TMEM216: variants seen among roughly 807,000 people sequenced by gnomAD.
TMEM216 encodes the protein cerebello-oculo-renal syndrome 2.
In TMEM216, 15 loss-of-function variants were observed where a neutral mutation model predicts 17.8. The ratio of observed to expected loss-of-function variants is 0.84; its 90% confidence interval spans 0.56 to 1.30. TMEM216 has a LOEUF of 1.30. Among genes scored for constraint, TMEM216 ranks in the 50% most tolerant of loss-of-function variants. TMEM216 has a pLI of 0.00. For synonymous variants in TMEM216, 58 were observed against 73.5 expected (o/e 0.79, Z 1.08); for missense variants, 160 against 175.7 (o/e 0.91, Z 0.51).
chr11:61,394,629 G>C (rs1173248237), intron 3 of TMEM216, among the ~76,000 whole-genome samples: 2 of 150,120 alleles, frequency 1.3e-5, no homozygotes, highest in Non-Finnish European at 3.0e-5. Context: ...GGCCTCCCAA[G>C]GTGGTGGGAT....
intron 1 of TMEM216, 79 bp downstream of exon 1, chr11:61,392,744 C>CT: frequency 6.5e-7 from 1 of 1,535,098 alleles, no homozygotes; most frequent in Non-Finnish European, 8.7e-7. Flanking sequence ...AGAGCTTGAC[C>CT]TAAACCCTCC....
At chr11:61,392,780 C>A in intron 1 of TMEM216, 115 bp downstream of exon 1, 4 of 1,526,276 alleles carry the variant, frequency 2.6e-6, no homozygotes, top group Non-Finnish European at 3.5e-6. Context: ...GGACGTCGCG[C>A]CTCCCTGGTC....
intron 1 of TMEM216, chr11:61,392,935 C>G (rs1261071172): frequency 1.5e-5 from 14 of 934,918 alleles, no homozygotes; most frequent in Non-Finnish European, 1.8e-5. Flanking sequence ...AACTTCCCCT[C>G]CCAAATAGTG....
intron 3 of TMEM216, among the ~76,000 whole-genome samples, chr11:61,395,320 T>G (rs1858774303): frequency 6.6e-6 from 1 of 152,050 alleles, no homozygotes; most frequent in East Asian, 1.9e-4. Context: ...AGCAAAACCC[T>G]TATTTGTTAG....
rs767384710 is a variant in TMEM216 at position 61,393,969 on chromosome 11, GT to G, written c.228del (p.Phe76LeufsTer20). On this transcript the variant is annotated frameshift_variant, in exon 3 of 5. Coordinates refer to ENST00000515837, the MANE Select transcript of TMEM216 (RefSeq NM_001173990.3). LOFTEE classifies it high-confidence loss of function. ...ATCTTGGAATTGAAGTAATTCGCCT[GT>G]TTTTTGGTAAGTGTTGTCCAGAGAA... is the stretch of plus-strand genomic sequence containing the variant. ...LYLGIEVIRL[F>X]FGTKGNLCQR... 1 of 1,613,904 alleles carries G rather than the reference GT, an allele frequency of 6.2e-7. No homozygotes were observed. The highest frequency in any genetic ancestry group is 1.1e-5 in the South Asian group (1 of 91,082).
In TMEM216 at chr11:61,398,664, C is replaced by CTAT. The variant is rs1156463921; in HGVS notation, c.*389_*391dup. 2 of 212,172 alleles carry CTAT rather than the reference C, an allele frequency of 9.4e-6. No individual in the cohort carries two copies. The highest frequency in any genetic ancestry group is 1.9e-5 in the Non-Finnish European group (2 of 106,888). The allele number at this position is 212,172 out of a possible 1,614,324, so 13.1% of individuals were successfully genotyped here. A position where few individuals can be genotyped will look rare whatever the true frequency, so the allele number is the denominator to read the frequency against. Reference sequence around the variant, plus strand: ...CCACATGCTCCCTGTACGAGCTGTGCTATACCTGTCCCACATGAGCACGGA... The same window carrying CTAT: ...CCACATGCTCCCTGTACGAGCTGTGCTATTATACCTGTCCCACATGAGCACGGA... On this transcript the variant is annotated 3_prime_UTR_variant, in exon 5 of 5. Transcript: ENST00000515837.
At position 61,393,222 on chromosome 11, in the gene TMEM216, C is replaced by G. The variant is rs1590641748; in HGVS notation, c.35-9C>G. On this transcript the variant is annotated splice_polypyrimidine_tract_variant and intron_variant, in intron 1 of 4. Coordinates refer to ENST00000515837, the MANE Select transcript of TMEM216 (RefSeq NM_001173990.3). ...CGGCCCATCCCACTTCTCTGTGCTCCTTTTTCAGGTAAACGGTTGTCCTCC... is the reference window on the plus strand; with the variant it reads ...CGGCCCATCCCACTTCTCTGTGCTCGTTTTTCAGGTAAACGGTTGTCCTCC... 17 of 1,534,002 alleles carry G rather than the reference C, an allele frequency of 1.1e-5. No individual in the cohort carries two copies. The East Asian group carries it at 2.9e-4, about 26-fold the overall frequency.
rs1858836615 is a variant in TMEM216 at position 61,397,963 on chromosome 11, C to T, written c.419C>T (p.Ala140Val). The T allele has an allele frequency of 6.2e-7, 1 of 1,613,776 alleles. No homozygotes were observed. Among genetic ancestry groups the T allele is most frequent in the Non-Finnish European group, 8.5e-7 (1 of 1,179,886 alleles). Residue 140 changes from alanine to valine, a missense_variant, in exon 4 of 5, where the codon GCT becomes GTT. By Grantham distance (64) the Ala-to-Val change is moderately conservative (BLOSUM62 0). Transcript: ENST00000515837. ...CTTTTACTTGAGGTGCTCACCTTGG[C>T]TGCTTTCTCCAGGTACTGCTGCTGA... ...SELLLEVLTLAAFSRI is the reference protein window; with the variant it reads ...SELLLEVLTLVAFSRI
At chr11:61,397,018 C>A (rs1007730996) in intron 3 of TMEM216, among the ~76,000 whole-genome samples, 1 of 151,596 alleles carries the variant, frequency 6.6e-6, no homozygotes, top group African/African-American at 2.4e-5. Context: ...GTAGGGTATG[C>A]TTCTATTTTT....
Position 61,393,941 on chromosome 11 carries a change from T to A in TMEM216, c.194T>A (p.Leu65His), listed in dbSNP as rs754640137. The A allele has an allele frequency of 6.2e-7, 1 of 1,614,024 alleles. No individual in the cohort carries two copies. The highest frequency in any genetic ancestry group is 1.1e-5 in the South Asian group (1 of 91,090). ...NLVLDVVMLL[L>H]YLGIEVIRLF... is the part of the protein sequence containing the mutation. Reference sequence around the variant, plus strand: ...GTACTGGATGTGGTGATGCTCCTCCTTTATCTTGGAATTGAAGTAATTCGC... The same window carrying A: ...GTACTGGATGTGGTGATGCTCCTCCATTATCTTGGAATTGAAGTAATTCGC... Residue 65 changes from leucine (L) to histidine (H), a missense_variant, in exon 3 of 5, where the codon CTT (leucine) becomes CAT (histidine). Coordinates refer to ENST00000515837, the MANE Select transcript of TMEM216 (RefSeq NM_001173990.3).
intron 3 of TMEM216, 153 bp downstream of exon 3, chr11:61,394,129 C>T: frequency 4.4e-6 from 3 of 674,176 alleles, no homozygotes; most frequent in Non-Finnish European, 7.8e-6. Context: ...GTTGCTGCTT[C>T]ATACATTGGG....
intron 2 of TMEM216, 82 bp from the exon 3 acceptor site, chr11:61,393,802 G>A: frequency 9.7e-7 from 1 of 1,032,824 alleles, no homozygotes; most frequent in Non-Finnish European, 1.5e-6. Flanking sequence ...TGAGACTGAT[G>A]TCCTCTTTTT....
At chr11:61,397,324 G>A (rs993661881) in intron 3 of TMEM216, among the ~76,000 whole-genome samples, 10 of 151,656 alleles carry the variant, frequency 6.6e-5, no homozygotes, top group African/African-American at 9.7e-5. Flanking sequence ...CCGCCACCAC[G>A]CCCGGCTACT....
At chr11:61,398,004 C>T in intron 4 of TMEM216, 29 bp downstream of exon 4, 1 of 1,610,990 alleles carries the variant, frequency 6.2e-7, no homozygotes, top group Non-Finnish European at 8.5e-7. Context: ...CATTTCTCAT[C>T]ACTAGAGGGT....
intron 3 of TMEM216, 102 bp from the exon 4 acceptor site, chr11:61,397,672 T>G: frequency 9.4e-7 from 1 of 1,062,368 alleles, no homozygotes. Context: ...CCACTCAGGA[T>G]TATTTTTTGT....
rs1359736540 is a variant in TMEM216, at chr11:61,392,673, T to C, written c.34+8T>C. On this transcript the variant is annotated splice_region_variant and intron_variant, in intron 1 of 4. Transcript: ENST00000515837. ...TGAAGATGGCGCCGCGAGGTGAGAT[T>C]CCGGAGGTGTGTGAGTCGCTGGTCC... The C allele has an allele frequency of 3.3e-6, 5 of 1,535,962 alleles. No individual in the cohort carries two copies. The highest frequency in any genetic ancestry group is 2.4e-5 in the South Asian group (2 of 84,062).
chr11:61,398,072 G>A (rs554042456), intron 4 of TMEM216, 97 bp downstream of exon 4: 7 of 1,492,824 alleles, frequency 4.7e-6, no homozygotes, highest in African/African-American at 1.4e-5. Context: ...GGGTCTAGAA[G>A]ACTTTTTTCT....
At position 61,397,760 on chromosome 11, in the gene TMEM216, G is replaced by T. The variant is rs765197757; in HGVS notation, c.230-14G>T. On this transcript the variant is annotated splice_polypyrimidine_tract_variant and intron_variant, in intron 3 of 4. Transcript: ENST00000515837. ...AGACCATTTGGAGATGACTCCATGG[G>T]CTGTGTCTGACAGGTACAAAGGGAA... 2.2e-5 allele frequency: 35 copies of T among 1,610,098 alleles called. No homozygotes were observed. The highest frequency in any genetic ancestry group is 3.0e-5 in the Non-Finnish European group (35 of 1,177,930).
intron 3 of TMEM216, among the ~76,000 whole-genome samples, chr11:61,394,607 T>C (rs968629731): frequency 6.6e-6 from 1 of 151,892 alleles, no homozygotes; most frequent in Non-Finnish European, 1.5e-5. Flanking sequence ...GACCTTGTGA[T>C]CTGCCTGTGT....
Sources: gnomAD v4.1 joint callset for allele counts (sites outside exome capture counted in the v4.1 genomes callset) on GRCh38, gnomAD v4.1.1 for gene constraint, MANE v1.5 for transcripts, NCBI Gene and HGNC (gene_info 2026-07-23, HGNC 2026-07-21) for gene names.